IFT140: variants seen among roughly 807,000 people sequenced by gnomAD.
IFT140 encodes the protein intraflagellar transport 140, also known as intraflagellar transport protein 140 homolog.
A neutral mutation model predicts 164.6 loss-of-function variants in IFT140; 133 were observed. That is an observed-to-expected ratio of 0.81 (90% CI 0.70 to 0.93). The LOEUF is 0.93. Ranked by LOEUF, IFT140 falls within the 40% of genes least tolerant of loss-of-function variation. IFT140 has a pLI of 0.00. For synonymous variants in IFT140, 860 were observed against 817.3 expected (o/e 1.05, Z -0.89); for missense variants, 2,045 against 1,972.3 (o/e 1.04, Z -0.70).
At position 1,584,426 on chromosome 16, in the gene IFT140, T is replaced by C. The variant is rs769650753; in HGVS notation, c.1156-6A>G. 13 of 1,596,428 alleles carry C rather than the reference T, an allele frequency of 8.1e-6. No homozygotes were observed. The highest frequency in any genetic ancestry group is 2.3e-5 in the East Asian group (1 of 44,382). On this transcript the variant is annotated splice_region_variant and splice_polypyrimidine_tract_variant and intron_variant, in intron 10 of 30. Transcript: ENST00000426508. ...AGGTTCTTCCTGGAACCCCACTTCA[T>C]TTCCAGGTTGCAAGAGAAAGAACCA...
chr16:1,595,383 C>A (rs1243274832), intron 4 of IFT140, among the ~76,000 whole-genome samples: 2 of 152,002 alleles, frequency 1.3e-5, no homozygotes, highest in Non-Finnish European at 2.9e-5. Flanking sequence ...TTTGGGAGGC[C>A]GAGGCAAGCA....
At chr16:1,607,579 C>T (rs2036141848) in intron 2 of IFT140, among the ~76,000 whole-genome samples, 1 of 152,220 alleles carries the variant, frequency 6.6e-6, no homozygotes, top group African/African-American at 2.4e-5. Context: ...GGCCTGCAGC[C>T]TAACTACACA....
chr16:1,584,484 CAGG>C (rs951360753), intron 10 of IFT140, 64 bp from the exon 11 acceptor site: 1 of 1,293,106 alleles, frequency 7.7e-7, no homozygotes, highest in African/African-American at 1.5e-5. Flanking sequence ...AAGATGCGGT[CAGG>C]AGAATACTTA....
intron 17 of IFT140, among the ~76,000 whole-genome samples, chr16:1,563,517 A>G (rs2033541280): frequency 6.6e-6 from 1 of 152,004 alleles, no homozygotes; most frequent in Admixed American, 6.5e-5. Flanking sequence ...CAGTTGAGAC[A>G]AGAGAACCAA....
chr16:1,606,523 T>C (rs148952482), intron 3 of IFT140, among the ~76,000 whole-genome samples: 217 of 152,334 alleles, frequency 1.4e-3, no homozygotes, highest in African/African-American at 4.9e-3. Flanking sequence ...CGCAATGGCG[T>C]GATCGCCGCT....
intron 19 of IFT140, among the ~76,000 whole-genome samples, chr16:1,555,904 G>A (rs925069077): frequency 6.6e-6 from 1 of 152,098 alleles, no homozygotes; most frequent in Non-Finnish European, 1.5e-5. Flanking sequence ...GAGTTCGAGA[G>A]CAGCCTGGCC....
At chr16:1,602,270 T>C in intron 4 of IFT140, 100 bp downstream of exon 4, 4 of 1,019,322 alleles carry the variant, frequency 3.9e-6, no homozygotes, top group Non-Finnish European at 6.0e-6. Context: ...TCAACTGAAT[T>C]TGGCAACAGC....
intron 13 of IFT140, chr16:1,577,975 G>C (rs1305234427): frequency 6.7e-6 from 1 of 148,606 alleles, no homozygotes; most frequent in African/African-American, 2.5e-5. Context: ...GCAGCAACAA[G>C]TGTGCTTGCT....
chr16:1,514,732 A>T (rs2040292672), intron 30 of IFT140: 1 of 152,222 alleles, frequency 6.6e-6, no homozygotes, highest in Non-Finnish European at 1.5e-5. Context: ...GATACAAAAA[A>T]ATGACTAGAC....
In IFT140 at chr16:1,583,360, C is replaced by T. The variant is rs1045587793; in HGVS notation, c.1386G>A (p.Arg462=). 1 of 1,614,162 alleles carries T rather than the reference C, an allele frequency of 6.2e-7. No homozygotes were observed. The change falls in exon 12 of 31, where the codon AGG becomes AGA. Residue 462 remains arginine (R), a synonymous_variant. Transcript: ENST00000426508. ...CAGAAAGCTCGAAGATCGCCACCTG[C>T]CTTCCGTTCCAGACTGCGACAGCAT... ...TKDAVAVWNG[R]QVAIFELSGA...
At chr16:1,590,987 G>T (rs1035369996) in intron 6 of IFT140, among the ~76,000 whole-genome samples, 3 of 152,174 alleles carry the variant, frequency 2.0e-5, no homozygotes, top group Non-Finnish European at 4.4e-5. Flanking sequence ...ACACCAACTA[G>T]TATTTAATAA....
Position 1,518,283 on chromosome 16 carries a change from G to T in IFT140, c.4115C>A (p.Thr1372Asn), listed in dbSNP as rs1475910204. The change falls in exon 30 of 31, where the codon ACC (threonine) becomes AAC (asparagine). Residue 1372 changes from threonine (T) to asparagine (N), a missense_variant. Coordinates refer to ENST00000426508, the MANE Select transcript of IFT140 (RefSeq NM_014714.4). The part of the protein sequence containing the change: ...LLLEEPDLDS[T>N]IRIGDVYGFL... ...GCCATAGACGTCCCCGATGCGGATG[G>T]TGCTGTCCAGGTCTGGTTCCTCCAG... 6.2e-7 allele frequency: 1 copy of T among 1,614,106 alleles called. No homozygotes were observed. The highest frequency in any genetic ancestry group is 2.2e-5 in the East Asian group (1 of 44,860).
At chr16:1,541,817 C>T (rs1173480914) in intron 19 of IFT140, 19 of 1,378,874 alleles carry the variant, frequency 1.4e-5, no homozygotes, top group East Asian at 7.7e-5. Flanking sequence ...CTGTGCCGAC[C>T]GCCCTTTCCG....
chr16:1,530,979 C>CG (rs2030420891), intron 19 of IFT140: 1 of 152,256 alleles, frequency 6.6e-6, no homozygotes, highest in South Asian at 2.1e-4. Flanking sequence ...ACGGGAAGGG[C>CG]GGTCACAGAC....
At chr16:1,562,411 C>G (rs918653939) in intron 17 of IFT140, among the ~76,000 whole-genome samples, 2 of 152,188 alleles carry the variant, frequency 1.3e-5, no homozygotes, top group African/African-American at 4.8e-5. Context: ...GAACTGGTGA[C>G]TGCAACTCAA....
In IFT140 at chr16:1,564,033, T is replaced by G. The variant is rs775256700; in HGVS notation, c.2031A>C (p.Ala677=). ...CGCGCCCATCTTGGGGCTGCCCGTT[T>G]GCAGACTGAGGCTGGGAGCGCGGCG... The part of the protein sequence containing the change: ...QETPRSQPQS[A]NGQPQDGRAG... The change falls in exon 17 of 31, where the codon GCA becomes GCC. Residue 677 remains alanine (A), a synonymous_variant. Transcript: ENST00000426508. The surrounding 1 kb of genome is among the most constrained non-coding windows in gnomAD (Gnocchi z 5.5). 1.3e-6 allele frequency: 2 copies of G among 1,596,794 alleles called. No individual in the cohort carries two copies. Among genetic ancestry groups the G allele is most frequent in the Non-Finnish European group, 1.7e-6 (2 of 1,166,604 alleles).
intron 19 of IFT140, among the ~76,000 whole-genome samples, chr16:1,538,803 C>CCTGCAGGCTGTACGTGGTCA (rs2031327518): frequency 6.6e-6 from 1 of 152,168 alleles, no homozygotes; most frequent in African/African-American, 2.4e-5. Context: ...CACTCCGGTC[C>CCTGCAGGCTGTACGTGGTCA]CTGCAGGCTG....
chr16:1,523,727 C>T (rs2040590096), intron 25 of IFT140, 27 bp from the exon 26 acceptor site: 1 of 1,608,052 alleles, frequency 6.2e-7, no homozygotes, highest in Admixed American at 1.7e-5. Flanking sequence ...CTCTGAGCAG[C>T]TGCCCGAGGC....
chr16:1,513,379 T>A (rs552639050), intron 30 of IFT140: 1 of 152,146 alleles, frequency 6.6e-6, no homozygotes, highest in Non-Finnish European at 1.5e-5. Context: ...CGGGAACCTG[T>A]AGTCCCAGCT....
Sources: gnomAD v4.1 joint callset for allele counts (sites outside exome capture counted in the v4.1 genomes callset) on GRCh38, gnomAD v4.1.1 for gene constraint, Gnocchi (gnomAD v3.1) non-coding constraint, MANE v1.5 for transcripts, NCBI Gene and HGNC (gene_info 2026-07-23, HGNC 2026-07-21) for gene names.